Variants in OSGIN1 observed in about 807,000 individuals in gnomAD.
The protein encoded by OSGIN1 is oxidative stress induced growth inhibitor 1, also known as oxidative stress-induced growth inhibitor 1.
A neutral mutation model predicts 20.1 loss-of-function variants in OSGIN1; 19 were observed. That is an observed-to-expected ratio of 0.95 (90% CI 0.66 to 1.39). The LOEUF (loss-of-function observed/expected upper bound fraction) is 1.39. Among genes scored for constraint, OSGIN1 ranks in the 40% most tolerant of loss-of-function variants. OSGIN1 has a pLI of 0.00. For missense variants in OSGIN1, 820 were observed against 653.0 expected (o/e 1.26, Z -2.79); for synonymous variants, 368 against 297.8 (o/e 1.24, Z -2.43).
intron 3 of OSGIN1, among the ~76,000 whole-genome samples, chr16:83,960,042 G>A (rs759707835): frequency 1.3e-5 from 2 of 151,962 alleles, no homozygotes; most frequent in East Asian, 1.9e-4. Context: ...TTCCCTTCCC[G>A]CCCCTGAGTT....
At chr16:83,953,689 G>T (rs1237815607) in intron 1 of OSGIN1, among the ~76,000 whole-genome samples, 1 of 152,186 alleles carries the variant, frequency 6.6e-6, no homozygotes, top group Non-Finnish European at 1.5e-5. Context: ...TGGCCAGCCC[G>T]GGCTTACTGC....
chr16:83,964,578 C>A (rs1230885419), intron 5 of OSGIN1, among the ~76,000 whole-genome samples: 3 of 152,160 alleles, frequency 2.0e-5, no homozygotes. Flanking sequence ...CATATTTAAT[C>A]ATTTGAGGTG....
chr16:83,962,791 A>G (rs1242615923), intron 5 of OSGIN1, among the ~76,000 whole-genome samples: 2 of 152,322 alleles, frequency 1.3e-5, no homozygotes, highest in African/African-American at 4.8e-5. Context: ...CGAGTTTCTT[A>G]TAAGCCTTTC....
At chr16:83,956,788 A>T (rs2151075261) in intron 1 of OSGIN1, among the ~76,000 whole-genome samples, 1 of 152,296 alleles carries the variant, frequency 6.6e-6, no homozygotes, top group Non-Finnish European at 1.5e-5. Flanking sequence ...GGTCCTCAGG[A>T]TGGCAGCATG....
Position 83,959,342 on chromosome 16 carries a change from C to T in OSGIN1, c.150C>T (p.His50=), listed in dbSNP as rs754187160. The change falls in exon 3 of 6, where the codon CAC becomes CAT. Residue 50 remains histidine, a synonymous_variant. Coordinates refer to ENST00000393306, the MANE Select transcript of OSGIN1 (RefSeq NM_182981.3). ...PYTKPDAIHP[H]PLLQRKLTEA... ...CGAAGCCAGATGCCATCCACCCACA[C>T]CCCCTGCTGCAGAGGAAGCTCACCG... The T allele has an allele frequency of 2.5e-6, 4 of 1,613,892 alleles. No individual in the cohort carries two copies. The highest frequency in any genetic ancestry group is 3.4e-6 in the Non-Finnish European group (4 of 1,179,984).
chr16:83,963,608 G>A (rs1017148652), intron 5 of OSGIN1, among the ~76,000 whole-genome samples: 3 of 152,168 alleles, frequency 2.0e-5, no homozygotes, highest in Non-Finnish European at 4.4e-5. Context: ...CAAAAACTGA[G>A]AAAAGAATGA....
Position 83,965,243 on chromosome 16 carries a change from G to T in OSGIN1, c.670G>T (p.Gly224Cys), listed in dbSNP as rs200366219. ...QDSSPLFQVS[G>C]FLTRNQAQQP... Reference sequence around the variant, plus strand: ...CTCCAGCCCCCTCTTCCAGGTGAGCGGCTTCCTGACCAGGAACCAGGCCCA... The same window carrying T: ...CTCCAGCCCCCTCTTCCAGGTGAGCTGCTTCCTGACCAGGAACCAGGCCCA... The change falls in exon 6 of 6, where the codon GGC becomes TGC. Residue 224 changes from glycine (G) to cysteine (C), a missense_variant. Gly to Cys is a radical substitution (Grantham distance 159). Transcript: ENST00000393306. 1 of 1,612,160 alleles carries T rather than the reference G, an allele frequency of 6.2e-7. No homozygotes were observed. The highest frequency in any genetic ancestry group is 8.5e-7 in the Non-Finnish European group (1 of 1,179,548).
At chr16:83,953,565 C>T (rs1908790380) in intron 1 of OSGIN1, among the ~76,000 whole-genome samples, 195 bp downstream of exon 1, 1 of 152,232 alleles carries the variant, frequency 6.6e-6, no homozygotes, top group Admixed American at 6.5e-5. Flanking sequence ...CTCCCAGATC[C>T]TCAGCTGTGT....
At chr16:83,963,109 A>C (rs192931417) in intron 5 of OSGIN1, among the ~76,000 whole-genome samples, 11 of 152,244 alleles carry the variant, frequency 7.2e-5, no homozygotes, top group Admixed American at 5.2e-4. Context: ...TGTGTCCCCA[A>C]CGGCAGGCAC....
chr16:83,961,052 C>G lies in OSGIN1; in HGVS notation c.468C>G (p.Asp156Glu), dbSNP rs2084204824. The change falls in exon 5 of 6, where the codon GAC becomes GAG. Residue 156 changes from aspartate (D) to glutamate (E), a missense_variant. Asp to Glu is a conservative substitution (Grantham distance 45, BLOSUM62 2). Transcript: ENST00000393306. ...GGCTCCCGGACCTGGAGGTCAAGGA[C>G]TGGATGCAGAAGAAGCGAAGGTGAG... ...WMGLPDLEVK[D>E]WMQKKRRGLR... is the part of the protein sequence containing the mutation. The G allele has an allele frequency of 6.2e-7, 1 of 1,613,360 alleles. No homozygotes were observed. The highest frequency in any genetic ancestry group is 1.1e-5 in the South Asian group (1 of 91,086).
At chr16:83,956,222 G>A (rs1388084837) in intron 1 of OSGIN1, among the ~76,000 whole-genome samples, 1 of 152,180 alleles carries the variant, frequency 6.6e-6, no homozygotes, top group Admixed American at 6.5e-5. Context: ...CCCTCTCCTC[G>A]GGACCTGCCT....
At chr16:83,956,664 C>T (rs576409097) in intron 1 of OSGIN1, among the ~76,000 whole-genome samples, 2 of 152,180 alleles carry the variant, frequency 1.3e-5, no homozygotes, top group South Asian at 4.1e-4. Context: ...TTAATATGGC[C>T]AGGGCTGCAC....
Position 83,965,548 on chromosome 16 carries a change from G to A in OSGIN1, c.975G>A (p.Val325=). 1.2e-6 allele frequency: 2 copies of A among 1,612,846 alleles called. No homozygotes were observed. Among genetic ancestry groups the A allele is most frequent in the Non-Finnish European group, 1.7e-6 (2 of 1,180,028 alleles). ...FRRAVDDPGL[V]FNQLPKMLYP... is the part of the protein sequence containing the mutation. Reference sequence around the variant, plus strand: ...GGGCCGTGGACGACCCTGGCCTGGTGTTCAACCAGCTGCCCAAGATGCTGT... The same window carrying A: ...GGGCCGTGGACGACCCTGGCCTGGTATTCAACCAGCTGCCCAAGATGCTGT... The change falls in exon 6 of 6, where the codon GTG becomes GTA. Residue 325 remains valine (V), a synonymous_variant. Transcript: ENST00000393306.
intron 5 of OSGIN1, among the ~76,000 whole-genome samples, chr16:83,962,327 C>G (rs2084224851): frequency 6.6e-6 from 1 of 152,200 alleles, no homozygotes; most frequent in Non-Finnish European, 1.5e-5. Flanking sequence ...CAAGCTCCGC[C>G]TCCCAGGTTC....
intron 5 of OSGIN1, 67 bp downstream of exon 5, chr16:83,961,139 A>G (rs958262651): frequency 8.1e-7 from 1 of 1,231,814 alleles, no homozygotes; most frequent in East Asian, 2.3e-5. Context: ...AAAATCTGAG[A>G]CAGGTCTCAG....
Position 83,965,406 on chromosome 16 carries a change from T to G in OSGIN1, c.833T>G (p.Val278Gly), listed in dbSNP as rs1354727525. 1 of 1,576,604 alleles carries G rather than the reference T, an allele frequency of 6.3e-7. No homozygotes were observed. Among genetic ancestry groups the G allele is most frequent in the African/African-American group, 1.3e-5 (1 of 74,644 alleles). Residue 278 changes from valine to glycine, a missense_variant, in exon 6 of 6, where the codon GTG becomes GGG. Physicochemically the swap from Val to Gly is moderately radical, Grantham distance 109 (BLOSUM62 -3). Coordinates refer to ENST00000393306, the MANE Select transcript of OSGIN1 (RefSeq NM_182981.3). ...ELSALEAATR[V>G]GAVTPASDPV... ...TCTGCCCTGGAGGCCGCCACAAGGG[T>G]GGGTGCGGTGACCCCGGCCTCAGAC...
chr16:83,956,294 C>T (rs557166060), intron 1 of OSGIN1, among the ~76,000 whole-genome samples: 1 of 152,260 alleles, frequency 6.6e-6, no homozygotes. Context: ...CTGGTCTCAG[C>T]TGTGTTTGGT....
In OSGIN1 at chr16:83,953,279, T is replaced by C; in HGVS notation, c.-124T>C. 7.8e-7 allele frequency: 1 copy of C among 1,288,550 alleles called. No individual in the cohort carries two copies. The highest frequency in any genetic ancestry group is 1.5e-5 in the African/African-American group (1 of 65,972). The allele number at this position is 1,288,550 out of a possible 1,614,324, so 79.8% of individuals were successfully genotyped here. On this transcript the variant is annotated 5_prime_UTR_variant, in exon 1 of 6. Transcript: ENST00000393306. Reference sequence around the variant, plus strand: ...CCCCACAGGGTAATGGGTGTCCCGATCTCGCGGGGGACTCTGTGATCCGTG... The same window carrying C: ...CCCCACAGGGTAATGGGTGTCCCGACCTCGCGGGGGACTCTGTGATCCGTG...
rs978059568 is a variant in OSGIN1 at position 83,960,753 on chromosome 16, C to T, written c.389C>T (p.Ala130Val). The change falls in exon 4 of 6, where the codon GCC becomes GTC. Residue 130 changes from alanine to valine, a missense_variant. Ala to Val is a moderately conservative substitution (Grantham distance 64). Transcript: ENST00000393306. The stretch of plus-strand genomic sequence containing the variant: ...CTGGGCCGGAACCTCCCCGGGGGAG[C>T]CTGGCACGTGAGTGGGGCAGCGAGG... The part of the protein sequence containing the change: ...VVLGRNLPGG[A>V]WHSIEGSMVI... 1 of 1,612,868 alleles carries T rather than the reference C, an allele frequency of 6.2e-7. No individual in the cohort carries two copies. Among genetic ancestry groups the T allele is most frequent in the South Asian group, 1.1e-5 (1 of 91,060 alleles).
Sources: allele counts gnomAD v4.1 joint callset (sites outside exome capture counted in the v4.1 genomes callset), GRCh38; gene constraint gnomAD v4.1.1; transcripts MANE v1.5; gene names NCBI Gene and HGNC (gene_info 2026-07-23, HGNC 2026-07-21).